The following RPA2 variants were observed in gnomAD, a reference collection of about 807,000 sequenced individuals.
The protein encoded by RPA2 is replication protein A2, also known as replication protein A 32 kDa subunit.
Under a neutral mutation model 33.4 loss-of-function variants are expected in RPA2, and 22 were observed. The observed-to-expected ratio is 0.66, with a 90% confidence interval of 0.47 to 0.94. RPA2 has a LOEUF of 0.94. RPA2 is among the 40% of genes least tolerant of loss of function. The probability of loss-of-function intolerance (pLI) is 0.00; values close to 1 mark genes in which losing one functional copy is unlikely to be tolerated. For missense variants in RPA2, 279 were observed against 329.9 expected (o/e 0.85, Z 1.19); for synonymous variants, 109 against 114.9 (o/e 0.95, Z 0.33).
chr1:27,894,599 A>G (rs938985451), intron 6 of RPA2, among the ~76,000 whole-genome samples: 5 of 152,224 alleles, frequency 3.3e-5, no homozygotes, highest in African/African-American at 1.2e-4. Flanking sequence ...AAGCACATAA[A>G]TATCAAAAAG....
chr1:27,907,322 A>G (rs780434874), intron 2 of RPA2, 40 bp from the exon 3 acceptor site: 6 of 1,506,672 alleles, frequency 4.0e-6, no homozygotes, highest in Admixed American at 1.9e-5. Context: ...TAAGAAAGTA[A>G]TAACTACCAC....
At chr1:27,896,695 T>C (rs1436754119) in intron 6 of RPA2, among the ~76,000 whole-genome samples, 2 of 152,192 alleles carry the variant, frequency 1.3e-5, no homozygotes, top group Non-Finnish European at 2.9e-5. Flanking sequence ...GAGTATGCAC[T>C]GACAATCCTG....
intron 5 of RPA2, 32 bp from the exon 6 acceptor site, chr1:27,897,153 A>C (rs771934787): frequency 7.0e-7 from 1 of 1,437,118 alleles, no homozygotes; most frequent in East Asian, 2.3e-5. Flanking sequence ...ATGTGAATAA[A>C]ATATGAACAT....
chr1:27,901,366 T>C (rs531689935), intron 4 of RPA2, among the ~76,000 whole-genome samples: 50 of 152,216 alleles, frequency 3.3e-4, no homozygotes, highest in African/African-American at 1.1e-3. Context: ...AGTTTTTTTT[T>C]TTCTTCTTTT....
At chr1:27,895,680 G>A (rs1380859614) in intron 6 of RPA2, among the ~76,000 whole-genome samples, 5 of 152,074 alleles carry the variant, frequency 3.3e-5, no homozygotes, top group Non-Finnish European at 2.9e-5. Context: ...GCAGTGAGCC[G>A]AGATCGCACC....
intron 4 of RPA2, among the ~76,000 whole-genome samples, chr1:27,903,836 G>A (rs1479575441): frequency 1.4e-5 from 2 of 140,078 alleles, no homozygotes; most frequent in Non-Finnish European, 3.0e-5. Flanking sequence ...GGCCAGCCTA[G>A]GCAGCAAGCC....
intron 2 of RPA2, among the ~76,000 whole-genome samples, chr1:27,907,814 A>G (rs7536088): frequency 0.3 from 45,454 of 152,018 alleles, 8,015 homozygotes; most frequent in East Asian, 0.52. Flanking sequence ...CTCCTGGGGA[A>G]ATGGAGTAAG....
chr1:27,897,755 A>G (rs773543524), intron 4 of RPA2, 48 bp from the exon 5 acceptor site: 2 of 1,371,554 alleles, frequency 1.5e-6, no homozygotes, highest in Admixed American at 4.1e-5. Context: ...GATGCTGGTA[A>G]AAGCCTCTTT....
intron 6 of RPA2, among the ~76,000 whole-genome samples, chr1:27,895,748 A>G (rs1333516116): frequency 1.3e-5 from 2 of 152,148 alleles, no homozygotes; most frequent in African/African-American, 2.4e-5. Flanking sequence ...ACAAAAACAA[A>G]AACAAAAAAC....
At chr1:27,914,670 A>G (rs1480999351), upstream of RPA2, 4 of 1,613,050 alleles carry the variant, frequency 2.5e-6, no homozygotes, top group Non-Finnish European at 3.4e-6. Context: ...TGCTCCAGAA[A>G]ACGCGTACTG....
At chr1:27,893,652 G>A (rs1282930957) in intron 8 of RPA2, among the ~76,000 whole-genome samples, 1 of 152,076 alleles carries the variant, frequency 6.6e-6, no homozygotes, top group Non-Finnish European at 1.5e-5. Context: ...CTGTCACCCA[G>A]GCTGGAGTGC....
intron 4 of RPA2, among the ~76,000 whole-genome samples, chr1:27,903,413 C>T (rs1390899240): frequency 6.6e-6 from 1 of 151,910 alleles, no homozygotes; most frequent in Non-Finnish European, 1.5e-5. Context: ...TAAATCTTTA[C>T]AGATAACATT....
chr1:27,906,366 C>CA (rs199774309), intron 4 of RPA2, among the ~76,000 whole-genome samples: 1,482 of 141,142 alleles, frequency 0.011, 14 homozygotes, highest in African/African-American at 0.021. Context: ...GATTCTGTCT[C>CA]AAAAAAAAAA....
At chr1:27,914,577 G>A (rs986179524), upstream of RPA2, 2 of 1,612,744 alleles carry the variant, frequency 1.2e-6, no homozygotes, top group African/African-American at 2.7e-5. Context: ...CCCGCGAATG[G>A]CGGAGCCAGT....
At chr1:27,907,725 G>C (rs1255638120) in intron 2 of RPA2, among the ~76,000 whole-genome samples, 1 of 152,208 alleles carries the variant, frequency 6.6e-6, no homozygotes, top group Admixed American at 6.5e-5. Flanking sequence ...CTTTGGAATT[G>C]CTTGTAGGTC....
At chr1:27,894,229 A>C (rs1181499737) in intron 7 of RPA2, 61 bp downstream of exon 7, 1 of 1,547,046 alleles carries the variant, frequency 6.5e-7, no homozygotes, top group African/African-American at 1.4e-5. Context: ...TCATTAAGGA[A>C]GTAACAAAAT....
At position 27,897,056 on chromosome 1, in the gene RPA2, A is replaced by T; in HGVS notation, c.474T>A (p.His158Gln). Residue 158 changes from histidine (H) to glutamine (Q), a missense_variant, in exon 6 of 9, where the codon CAT (histidine) becomes CAA (glutamine). Around this residue, in one of 2 missense-constraint regions of RPA2, gnomAD observed 274 missense variants for 310.3 expected, o/e 0.88. Coordinates refer to ENST00000373912, the MANE Select transcript of RPA2 (RefSeq NM_002946.5). ...PLEDMNEFTT[H>Q]ILEVINAHMV... ...TGTGTGCATTGATCACTTCCAGAATATGTGTGGTGAACTCATTCATATCCT... is the reference window on the plus strand; with the variant it reads ...TGTGTGCATTGATCACTTCCAGAATTTGTGTGGTGAACTCATTCATATCCT... 6.2e-7 allele frequency: 1 copy of T among 1,613,960 alleles called. No individual in the cohort carries two copies. The highest frequency in any genetic ancestry group is 8.5e-7 in the Non-Finnish European group (1 of 1,179,988).
At chr1:27,902,696 C>G (rs527365416) in intron 4 of RPA2, among the ~76,000 whole-genome samples, 1 of 152,046 alleles carries the variant, frequency 6.6e-6, no homozygotes, top group African/African-American at 2.4e-5. Flanking sequence ...GTAATCCCAG[C>G]ACTTTGGGAG....
chr1:27,913,955 G>C, intron 2 of RPA2, 108 bp downstream of exon 2: 1 of 993,552 alleles, frequency 1.0e-6, no homozygotes, highest in Non-Finnish European at 1.4e-6. Context: ...GATCATTATC[G>C]CATCAGTTCA....
Sources: gnomAD v4.1 joint callset for allele counts (sites outside exome capture counted in the v4.1 genomes callset) on GRCh38, gnomAD v4.1.1 for gene constraint, gnomAD v4.1.1 regional missense constraint, MANE v1.5 for transcripts, NCBI Gene and HGNC (gene_info 2026-07-23, HGNC 2026-07-21) for gene names.